ASPDH: variants seen among roughly 807,000 people sequenced by gnomAD.
ASPDH encodes aspartate dehydrogenase domain-containing protein.
A neutral mutation model predicts 30.5 loss-of-function variants in ASPDH; 25 were observed. The observed-to-expected ratio is 0.82, with a 90% CI of 0.60 to 1.14. The LOEUF (loss-of-function observed/expected upper bound fraction) is 1.14, where lower values mean the gene tolerates loss of function less well. Ranked by LOEUF, ASPDH falls within the 50% of genes most tolerant of loss-of-function variation. The probability of loss-of-function intolerance (pLI) is 0.00; values close to 1 mark genes in which losing one functional copy is unlikely to be tolerated. For synonymous variants in ASPDH, 168 were observed against 156.3 expected, an observed-to-expected ratio of 1.07 and a Z score of -0.56; for missense variants, 401 against 381.5, an observed-to-expected ratio of 1.05 and a Z score of -0.43.
upstream of ASPDH, chr19:50,513,982 G>C: frequency 5.8e-6 from 5 of 860,716 alleles, no homozygotes; most frequent in Non-Finnish European, 8.8e-6. The surrounding 1 kb of genome is among the most constrained non-coding windows in gnomAD (Gnocchi z 4.9). Flanking sequence ...TGGGCCTGCG[G>C]GAGTGGAGGC....
upstream of ASPDH, chr19:50,515,076 G>A (rs1191164029): frequency 1.0e-6 from 1 of 985,250 alleles, no homozygotes; most frequent in Non-Finnish European, 1.2e-6. Context: ...CTCCTGCTGG[G>A]GCCTGAGTGT....
rs1261059162 is a variant in ASPDH, at chr19:50,512,599, G to T, written c.433-19C>A. On this transcript the variant is annotated intron_variant, in intron 4 of 6. Transcript: ENST00000389208. ...GAAGGCTCTGGAAGCAAGAGCCCGGGTTAGGGGGAGTGGGGTCTTTGCAGG... is the reference window on the plus strand; with the variant it reads ...GAAGGCTCTGGAAGCAAGAGCCCGGTTTAGGGGGAGTGGGGTCTTTGCAGG... 3.3e-6 allele frequency: 5 copies of T among 1,516,472 alleles called. No homozygotes were observed. The highest frequency in any genetic ancestry group is 4.4e-6 in the Non-Finnish European group (5 of 1,134,886). The allele number at this position is 1,516,472 out of a possible 1,614,324, so 93.9% of individuals were successfully genotyped here. A position where few individuals can be genotyped will look rare whatever the true frequency, so the allele number is the denominator to read the frequency against.
At chr19:50,514,817 G>GGGCGGGGGGGGGGGGGGGGGGGGCC, upstream of ASPDH, 1 of 466,790 alleles carries the variant, frequency 2.1e-6, no homozygotes, top group Non-Finnish European at 3.3e-6. Context: ...GGGGGGGCGG[G>GGGCGGGGGGGGGGGGGGGGGGGGCC]CACTGGGTGG....
chr19:50,511,999 G>T, intron 6 of ASPDH, 137 bp downstream of exon 6: 1 of 826,438 alleles, frequency 1.2e-6, no homozygotes, highest in Non-Finnish European at 1.8e-6. Context: ...ATGGAGAGAG[G>T]TTAAGGAAAT....
At chr19:50,511,795 C>T (rs1352128287) in intron 6 of ASPDH, 22 bp from the exon 7 acceptor site, 2 of 1,301,884 alleles carry the variant, frequency 1.5e-6, no homozygotes, top group African/African-American at 1.6e-5. Context: ...GGGGAATGAG[C>T]GAATGAGACA....
In ASPDH at chr19:50,513,807, G is replaced by C. The variant is rs7248272; in HGVS notation, c.17C>G (p.Pro6Arg). 18,219 of 1,550,710 alleles carry C rather than the reference G, an allele frequency of 0.012. 551 individuals are homozygous for C. Among genetic ancestry groups the C allele is most frequent in the East Asian group, 0.11 (4,330 of 40,890 alleles). Residue 6 changes from proline to arginine, a missense_variant, in exon 1 of 7, where the codon CCG (proline) becomes CGG (arginine). Coordinates refer to ENST00000389208, the MANE Select transcript of ASPDH (RefSeq NM_001114598.2). The surrounding 1 kb of genome is among the most constrained non-coding windows in gnomAD (Gnocchi z 4.9). Reference sequence around the variant, plus strand: ...ATAGCCCACCACGCCCACCCTCCACGGGCCCCTGTCGGCCATGGCCCTGAG... The same window carrying C: ...ATAGCCCACCACGCCCACCCTCCACCGGCCCCTGTCGGCCATGGCCCTGAG... MADRG[P>R]WRVGVVGYGR...
Position 50,512,998 on chromosome 19 carries a change from C to G in ASPDH, c.211G>C (p.Val71Leu), listed in dbSNP as rs781096212. ...AALGERRPDL[V>L]VEVAHPKIIH... ...ATTTTGGGATGGGCCACTTCCACAACCAGATCAGGGCGCCTGGGAGAGGGG... is the reference window on the plus strand; with the variant it reads ...ATTTTGGGATGGGCCACTTCCACAAGCAGATCAGGGCGCCTGGGAGAGGGG... Residue 71 changes from valine to leucine, a missense_variant, in exon 3 of 7, where the codon GTT becomes CTT. Physicochemically the swap from Val to Leu is conservative, Grantham distance 32. Coordinates refer to ENST00000389208, the MANE Select transcript of ASPDH (RefSeq NM_001114598.2). The G allele has an allele frequency of 1.2e-6, 2 of 1,613,452 alleles. No individual in the cohort carries two copies. The highest frequency in any genetic ancestry group is 1.7e-6 in the Non-Finnish European group (2 of 1,179,692).
upstream of ASPDH, chr19:50,514,569 C>T: frequency 6.2e-7 from 1 of 1,613,446 alleles, no homozygotes. Context: ...CTCCCGTTCC[C>T]CAGCTCGCGT....
At chr19:50,514,812 G>A (rs939523286), upstream of ASPDH, 61 of 1,241,268 alleles carry the variant, frequency 4.9e-5, no homozygotes, top group Admixed American at 7.1e-4. Context: ...GGGTGGGGGG[G>A]GCGGGCACTG....
In ASPDH at chr19:50,513,405, C is replaced by T. The variant is rs559514858; in HGVS notation, c.64G>A (p.Val22Ile). The change falls in exon 2 of 7, where the codon GTC (valine) becomes ATC (isoleucine). Residue 22 changes from valine to isoleucine, a missense_variant. Val to Ile is a conservative substitution (Grantham distance 29). Transcript: ENST00000389208. This position sits in a 1 kb window ranked among gnomAD's most constrained non-coding sequence, Gnocchi z 4.9. Reference sequence around the variant, plus strand: ...GGTCCCTGAGCCAAGAGGCGGGAGACGAGGGACTGTCCTGGGGAGAGGGAA... The same window carrying T: ...GGTCCCTGAGCCAAGAGGCGGGAGATGAGGGACTGTCCTGGGGAGAGGGAA... The part of the protein sequence containing the change: ...VGYGRLGQSL[V>I]SRLLAQGPEL... 7.7e-5 allele frequency: 117 copies of T among 1,511,328 alleles called. No individual in the cohort carries two copies. Among genetic ancestry groups the T allele is most frequent in the Non-Finnish European group, 9.1e-5 (103 of 1,129,270 alleles). The allele number at this position is 1,511,328 out of a possible 1,614,324, so 93.6% of individuals were successfully genotyped here. A position where few individuals can be genotyped will look rare whatever the true frequency, so the allele number is the denominator to read the frequency against.
chr19:50,514,537 G>A (rs775568827), upstream of ASPDH: 8 of 1,613,900 alleles, frequency 5.0e-6, no homozygotes, highest in African/African-American at 2.7e-5. Flanking sequence ...CCAGTGTGAC[G>A]TTCTCGCTCC....
At chr19:50,514,929 G>A (rs1980170531), upstream of ASPDH, 2 of 985,428 alleles carry the variant, frequency 2.0e-6, no homozygotes, top group Non-Finnish European at 2.4e-6. Flanking sequence ...CTGCTGATAA[G>A]GGAGGAATTG....
In ASPDH at chr19:50,513,315, G is replaced by A; in HGVS notation, c.154C>T (p.Pro52Ser). 2 of 1,531,816 alleles carry A rather than the reference G, an allele frequency of 1.3e-6. No homozygotes were observed. Among genetic ancestry groups the A allele is most frequent in the Non-Finnish European group, 1.8e-6 (2 of 1,137,924 alleles). 94.9% of individuals were successfully genotyped at this position (1,531,816 alleles called of 1,614,324 possible). Residue 52 changes from proline (P) to serine (S), a missense_variant, in exon 2 of 7, where the codon CCC (proline) becomes TCC (serine). Pro to Ser is a moderately conservative substitution (Grantham distance 74). Coordinates refer to ENST00000389208, the MANE Select transcript of ASPDH (RefSeq NM_001114598.2). This position sits in a 1 kb window ranked among gnomAD's most constrained non-coding sequence, Gnocchi z 4.9. The part of the protein sequence containing the change: ...RDPGRMAGSV[P>S]PSLQLQNLAA... The stretch of plus-strand genomic sequence containing the variant: ...AGGTTCTGGAGCTGCAGGGAAGGGG[G>A]CACGCTCCCTGCCATTCGTCCTGGG...
rs184745585 is a variant in ASPDH at position 50,512,170 on chromosome 19, G to A, written c.774C>T (p.Ser258=). ...NPAEPGAVTG[S]ATVTAFWQSL... ...TCTGCCAGAAGGCCGTGACGGTGGCGGAGCCGGTGACCGCGCCTGGCTCGG... is the reference window on the plus strand; with the variant it reads ...TCTGCCAGAAGGCCGTGACGGTGGCAGAGCCGGTGACCGCGCCTGGCTCGG... The change falls in exon 6 of 7, where the codon TCC becomes TCT. Residue 258 remains serine (S), a synonymous_variant. Transcript: ENST00000389208. 2,165 of 1,590,876 alleles carry A rather than the reference G, an allele frequency of 1.4e-3. 22 individuals carry two copies. In the African/African-American group the frequency reaches 0.024, roughly 18 times the overall value.
upstream of ASPDH, chr19:50,514,409 C>A: frequency 3.7e-6 from 6 of 1,604,282 alleles, no homozygotes; most frequent in Non-Finnish European, 4.3e-6. Flanking sequence ...CTGCGCAGCA[C>A]GGGTCCCCTT....
chr19:50,513,855 C>A lies in ASPDH; in HGVS notation c.-32G>T. 2.6e-6 allele frequency: 4 copies of A among 1,545,862 alleles called. No individual in the cohort carries two copies. The highest frequency in any genetic ancestry group is 3.5e-6 in the Non-Finnish European group (4 of 1,144,832). ...GAGTGCGGTGTCTGGGGCCTGGCTC[C>A]CTGGGCTGCTCGCTGCCCGCTGCAC... On this transcript the variant is annotated 5_prime_UTR_variant, in exon 1 of 7. Coordinates refer to ENST00000389208, the MANE Select transcript of ASPDH (RefSeq NM_001114598.2). The surrounding 1 kb of genome is among the most constrained non-coding windows in gnomAD (Gnocchi z 4.9).
At chr19:50,512,088 C>T (rs1979941366) in intron 6 of ASPDH, 48 bp downstream of exon 6, 1 of 1,468,424 alleles carries the variant, frequency 6.8e-7, no homozygotes, top group East Asian at 2.5e-5. Context: ...CCCCCAAGCT[C>T]TGCAGAACAC....
In ASPDH at chr19:50,513,456, A is replaced by G. The variant is rs1191830104; in HGVS notation, c.53-40T>C. 10 of 1,450,806 alleles carry G rather than the reference A, an allele frequency of 6.9e-6. No homozygotes were observed. The highest frequency in any genetic ancestry group is 4.4e-5 in the South Asian group (3 of 67,688). The allele number at this position is 1,450,806 out of a possible 1,614,324, so 89.9% of individuals were successfully genotyped here. Reference sequence around the variant, plus strand: ...AGGAGAGGGCTAGAGATCCAGAGAGAGGGGGACAGAGACCCAGAGAGAGAG... The same window carrying G: ...AGGAGAGGGCTAGAGATCCAGAGAGGGGGGGACAGAGACCCAGAGAGAGAG... On this transcript the variant is annotated intron_variant, in intron 1 of 6. Coordinates refer to ENST00000389208, the MANE Select transcript of ASPDH (RefSeq NM_001114598.2). The surrounding 1 kb of genome is among the most constrained non-coding windows in gnomAD (Gnocchi z 4.9).
At chr19:50,511,857 G>A (rs1979909177) in intron 6 of ASPDH, 84 bp from the exon 7 acceptor site, 2 of 744,452 alleles carry the variant, frequency 2.7e-6, no homozygotes, top group East Asian at 3.8e-5. Flanking sequence ...GGGAGGAGGG[G>A]ACAGGGCAGG....
Sources: gnomAD v4.1 joint callset for allele counts on GRCh38, gnomAD v4.1.1 for gene constraint, Gnocchi (gnomAD v3.1) non-coding constraint, MANE v1.5 for transcripts, NCBI Gene and HGNC (gene_info 2026-07-23, HGNC 2026-07-21) for gene names.